MYO19: variants seen among roughly 807,000 people sequenced by gnomAD.
MYO19 encodes the protein unconventional myosin-XIX.
A neutral mutation model predicts 129.2 loss-of-function variants in MYO19; 132 were observed. The ratio of observed to expected loss-of-function variants is 1.02; its 90% CI spans 0.89 to 1.18. The LOEUF (loss-of-function observed/expected upper bound fraction) is 1.18, where lower values mean the gene tolerates loss of function less well. MYO19 is among the 50% of genes most tolerant of loss of function. The probability of loss-of-function intolerance (pLI) is 0.00; values close to 1 mark genes in which losing one functional copy is unlikely to be tolerated. For synonymous variants in MYO19, 531 were observed against 477.2 expected, an observed-to-expected ratio of 1.11 and a Z score of -1.47; for missense variants, 1,210 against 1,216.7, an observed-to-expected ratio of 0.99 and a Z score of 0.08.
At chr17:36,512,227 A>ACACAC (rs1555575815) in intron 11 of MYO19, among the ~76,000 whole-genome samples, 33 of 150,998 alleles carry the variant, frequency 2.2e-4, no homozygotes, top group African/African-American at 7.8e-4. Context: ...ACACACACAC[A>ACACAC]CACACACACA....
chr17:36,500,574 A>AAGACAACGCTT (rs1261387435), intron 23 of MYO19: 3 of 486,654 alleles, frequency 6.2e-6, no homozygotes, highest in Middle Eastern at 5.4e-4. Context: ...AAAGGAATTA[A>AAGACAACGCTT]AGACAACGCT....
chr17:36,525,983 C>T (rs2073439563), intron 5 of MYO19, among the ~76,000 whole-genome samples: 2 of 152,166 alleles, frequency 1.3e-5, no homozygotes, highest in Non-Finnish European at 2.9e-5. Flanking sequence ...AACTGGATAC[C>T]TCATCACGCA....
chr17:36,506,888 AACT>A, intron 17 of MYO19, 72 bp downstream of exon 17: 2 of 1,428,768 alleles, frequency 1.4e-6, no homozygotes, highest in Non-Finnish European at 1.9e-6. Context: ...CACGATGGGA[AACT>A]ACTATGTCTG....
At chr17:36,525,859 C>A (rs1301994466) in intron 5 of MYO19, among the ~76,000 whole-genome samples, 24 of 152,210 alleles carry the variant, frequency 1.6e-4, no homozygotes, top group Admixed American at 1.6e-3. Context: ...ATGTACTAGG[C>A]ATCAATCAAG....
At chr17:36,515,029 G>A (rs2072644492) in intron 8 of MYO19, 84 bp downstream of exon 8, 1 of 1,303,842 alleles carries the variant, frequency 7.7e-7, no homozygotes, top group African/African-American at 1.5e-5. Context: ...GCCCATAGGG[G>A]TGGCCCAGGC....
At position 36,495,783 on chromosome 17, in the gene MYO19, T is replaced by C. The variant is rs2070915879; in HGVS notation, c.*468A>G. 1 of 1,239,484 alleles carries C rather than the reference T, an allele frequency of 8.1e-7. No homozygotes were observed. The highest frequency in any genetic ancestry group is 1.0e-6 in the Non-Finnish European group (1 of 991,936). The allele number at this position is 1,239,484 out of a possible 1,614,324, so 76.8% of individuals were successfully genotyped here. ...ATTGCATTATTCATAATTTAATTGT[T>C]TGAAATTACATTAAATAAATCAACT... is the stretch of plus-strand genomic sequence containing the variant. On this transcript the variant is annotated 3_prime_UTR_variant, in exon 26 of 26. Coordinates refer to ENST00000614623, the MANE Select transcript of MYO19 (RefSeq NM_001163735.2).
intron 6 of MYO19, among the ~76,000 whole-genome samples, chr17:36,524,771 C>T (rs1177139713): frequency 6.6e-6 from 1 of 152,220 alleles, no homozygotes; most frequent in African/African-American, 2.4e-5. Context: ...TGTACAGTGA[C>T]TCATTTAACT....
intron 11 of MYO19, chr17:36,512,696 T>C (rs1402445356): frequency 2.3e-6 from 3 of 1,289,018 alleles, no homozygotes; most frequent in Admixed American, 4.6e-5. Flanking sequence ...GAGGTGAGGG[T>C]CACTTTCCAC....
intron 3 of MYO19, among the ~76,000 whole-genome samples, chr17:36,530,245 G>A (rs940099055): frequency 1.3e-5 from 2 of 152,142 alleles, no homozygotes; most frequent in African/African-American, 4.8e-5. Context: ...CCAGGAGGTC[G>A]AGGCTACAGT....
At position 36,498,276 on chromosome 17, in the gene MYO19, G is replaced by GCGA; in HGVS notation, c.2746_2747insTCG (p.Arg915_Ala916insVal). 1 of 1,611,474 alleles carries GCGA rather than the reference G, an allele frequency of 6.2e-7. No homozygotes were observed. ...TCACACACAACGTACCTGAGGCAGC[G>GCGA]CTCGGATGGACGTGACACCAGCCTG... On this transcript the variant is annotated inframe_insertion, in exon 25 of 26. Coordinates refer to ENST00000614623, the MANE Select transcript of MYO19 (RefSeq NM_001163735.2).
chr17:36,504,189 T>C, intron 19 of MYO19, 169 bp from the exon 20 acceptor site: 2 of 528,350 alleles, frequency 3.8e-6, no homozygotes, highest in Admixed American at 3.7e-5. Flanking sequence ...TCGAGGGACC[T>C]TGAAAACAAA....
chr17:36,510,698 A>G, intron 13 of MYO19, 48 bp downstream of exon 13: 1 of 1,531,996 alleles, frequency 6.5e-7, no homozygotes, highest in Non-Finnish European at 8.8e-7. Context: ...GGACAGGAAG[A>G]GCACTTGTCG....
intron 25 of MYO19, chr17:36,497,573 A>AT: frequency 1.0e-6 from 1 of 980,038 alleles, no homozygotes; most frequent in African/African-American, 1.8e-5. Flanking sequence ...TTGACCTATT[A>AT]TTACCCTAAA....
chr17:36,510,256 G>C (rs532200774), intron 13 of MYO19, among the ~76,000 whole-genome samples: 5 of 152,304 alleles, frequency 3.3e-5, no homozygotes, highest in African/African-American at 1.2e-4. Flanking sequence ...ACCAGAAAAG[G>C]CCAGGACCCC....
upstream of MYO19, chr17:36,535,426 G>C (rs1323700473): frequency 6.6e-6 from 1 of 152,302 alleles, no homozygotes; most frequent in Non-Finnish European, 1.5e-5. Flanking sequence ...ATGATGGGCG[G>C]AGACGCGCGG....
chr17:36,508,153 G>A (rs1394495483), intron 14 of MYO19: 1 of 390,772 alleles, frequency 2.6e-6, no homozygotes, highest in Non-Finnish European at 4.5e-6. Context: ...GAGCAAGCAG[G>A]AAACCCAAAT....
At chr17:36,534,229 G>T (rs960773739) in intron 1 of MYO19, 125 bp from the exon 2 acceptor site, 2 of 152,324 alleles carry the variant, frequency 1.3e-5, no homozygotes, top group African/African-American at 2.4e-5. Flanking sequence ...TGGGAGGGCA[G>T]ACGCTGAGAA....
At chr17:36,537,135 A>G (rs745967175), upstream of MYO19, 17 of 1,602,580 alleles carry the variant, frequency 1.1e-5, no homozygotes, top group Non-Finnish European at 1.4e-5. Flanking sequence ...AGCTTTTGTC[A>G]GTAACCTCAA....
At chr17:36,531,846 G>T (rs1375907970) in intron 3 of MYO19, among the ~76,000 whole-genome samples, 3 of 152,162 alleles carry the variant, frequency 2.0e-5, no homozygotes, top group African/African-American at 7.2e-5. Context: ...CTCAACATCT[G>T]CCTCAGCCCA....
Sources: gnomAD v4.1 joint callset for allele counts (sites outside exome capture counted in the v4.1 genomes callset) on GRCh38, gnomAD v4.1.1 for gene constraint, MANE v1.5 for transcripts, NCBI Gene and HGNC (gene_info 2026-07-23, HGNC 2026-07-21) for gene names.